DENND2A: variants seen among roughly 807,000 people sequenced by gnomAD.
The protein encoded by DENND2A is DENN domain containing 2A, also known as DENN domain-containing protein 2A.
Under a neutral mutation model 105.3 loss-of-function variants are expected in DENND2A, and 53 were observed. The observed-to-expected ratio is 0.50, with a 90% CI of 0.40 to 0.63. DENND2A has a LOEUF of 0.63. DENND2A is among the 30% of genes least tolerant of loss of function. The probability of loss-of-function intolerance (pLI) is 0.00; values close to 1 mark genes in which losing one functional copy is unlikely to be tolerated. For synonymous variants in DENND2A, 522 were observed against 508.4 expected (o/e 1.03, Z -0.36); for missense variants, 1,138 against 1,279.6 (o/e 0.89, Z 1.69).
At position 140,521,966 on chromosome 7, in the gene DENND2A, G is replaced by C. The variant is rs1185495323; in HGVS notation, c.2800C>G (p.Arg934Gly). Residue 934 changes from arginine (R) to glycine (G), a missense_variant, in exon 18 of 20, where the codon CGC becomes GGC. This residue lies in a region of DENND2A where 627 missense variants were observed against 779.8 expected (regional missense o/e 0.80). Transcript: ENST00000496613. The part of the protein sequence containing the change: ...EERTLQREAF[R>G]KAVSSKSLRH... ...AGGCTCTTGGAGGAGACAGCTTTGC[G>C]GAAGGCCTCCCGCTGCAGGGTTCTC... 6.2e-7 allele frequency: 1 copy of C among 1,614,140 alleles called. No homozygotes were observed. The highest frequency in any genetic ancestry group is 8.5e-7 in the Non-Finnish European group (1 of 1,180,044).
rs1165135947 is a variant in DENND2A, at chr7:140,597,044, TGAA to T, written c.995+4356_995+4358del. ...TTAATTTCCTGGGGCTTTAAAGAAA[TGAA>T]GAAAGAAAAGAGAAGACAGCAAATA... is the stretch of plus-strand genomic sequence containing the variant. On this transcript the variant is annotated intron_variant, in intron 3 of 19. Transcript: ENST00000496613. Among the ~76,000 whole-genome samples, 7 of 132,024 alleles carry T rather than the reference TGAA, an allele frequency of 5.3e-5. 1 individual carries two copies. Among genetic ancestry groups the T allele is most frequent in the Admixed American group, 1.6e-4 (2 of 12,818 alleles). The allele number at this position is 132,024 out of a possible 152,430, so 86.6% of individuals were successfully genotyped here.
chr7:140,633,657 C>T (rs941505660), intron 1 of DENND2A, among the ~76,000 whole-genome samples: 6 of 152,230 alleles, frequency 3.9e-5, no homozygotes, highest in African/African-American at 1.4e-4. Context: ...TTGTGTCACT[C>T]GGTCCACCCA....
At chr7:140,544,820 C>A in intron 13 of DENND2A, 54 bp from the exon 14 acceptor site, 2 of 1,549,308 alleles carry the variant, frequency 1.3e-6, no homozygotes, top group Admixed American at 3.9e-5. Context: ...GCAGCCAGGC[C>A]TCTCACGGGT....
intron 6 of DENND2A, among the ~76,000 whole-genome samples, chr7:140,571,900 C>G (rs1258611179): frequency 5.9e-5 from 9 of 152,168 alleles, no homozygotes; most frequent in Non-Finnish European, 1.2e-4. Context: ...TTCATAACCT[C>G]TCCTAGTGCT....
chr7:140,558,142 C>A lies in DENND2A; in HGVS notation c.1959+1G>T, dbSNP rs1190993703. 6.2e-7 allele frequency: 1 copy of A among 1,613,070 alleles called. No homozygotes were observed. Among genetic ancestry groups the A allele is most frequent in the Non-Finnish European group, 8.5e-7 (1 of 1,179,134 alleles). On this transcript the variant is annotated splice_donor_variant, in intron 11 of 19. Coordinates refer to ENST00000496613, the MANE Select transcript of DENND2A (RefSeq NM_015689.5). LOFTEE classifies it high-confidence loss of function. ...GCAGGCTGAAAGCAGAATGTACTCACCAGCAGTCTTCGGCAGTAACCGAAC... is the reference window on the plus strand; with the variant it reads ...GCAGGCTGAAAGCAGAATGTACTCAACAGCAGTCTTCGGCAGTAACCGAAC...
At position 140,523,323 on chromosome 7, in the gene DENND2A, G is replaced by C. The variant is rs1164268158; in HGVS notation, c.2649C>G (p.Pro883=). 10 of 1,614,146 alleles carry C rather than the reference G, an allele frequency of 6.2e-6. No homozygotes were observed. The highest frequency in any genetic ancestry group is 7.6e-6 in the Non-Finnish European group (9 of 1,180,028). ...AACACTTACCGTGCCTGCCGTCTAG[G>C]GGCCCTTCGTCCTGCTCACAAGCCA... ...NELACEQDEG[P]LDGRHGPESS... is the part of the protein sequence containing the mutation. The change falls in exon 17 of 20, where the codon CCC becomes CCG. Residue 883 remains proline, a synonymous_variant. Coordinates refer to ENST00000496613, the MANE Select transcript of DENND2A (RefSeq NM_015689.5). This position sits in a 1 kb window ranked among gnomAD's most constrained non-coding sequence, Gnocchi z 4.5.
chr7:140,634,578 T>A (rs1435366762), intron 1 of DENND2A, among the ~76,000 whole-genome samples: 2 of 152,034 alleles, frequency 1.3e-5, no homozygotes, highest in East Asian at 3.9e-4. Flanking sequence ...AATTAGAAAT[T>A]TAAAATTTTT....
intron 5 of DENND2A, among the ~76,000 whole-genome samples, chr7:140,577,561 C>G (rs1341996355): frequency 6.6e-6 from 1 of 152,058 alleles, no homozygotes; most frequent in Non-Finnish European, 1.5e-5. Context: ...CCACGCCTGG[C>G]TAATTTTTGT....
At chr7:140,619,457 GTGA>G (rs1342950464) in intron 1 of DENND2A, among the ~76,000 whole-genome samples, 2 of 151,964 alleles carry the variant, frequency 1.3e-5, no homozygotes, top group African/African-American at 4.8e-5. Flanking sequence ...ATTGATGGTG[GTGA>G]TGGGTTGCAC....
intron 2 of DENND2A, among the ~76,000 whole-genome samples, chr7:140,602,777 A>G (rs1799562831): frequency 6.6e-6 from 1 of 151,658 alleles, no homozygotes; most frequent in Non-Finnish European, 1.5e-5. Flanking sequence ...GTTCAAAACC[A>G]GCCTGGGCAA....
In DENND2A at chr7:140,518,737, G is replaced by A; in HGVS notation, c.3000C>T (p.Gly1000=). Reference sequence around the variant, plus strand: ...TCTTGTGGAGAAATTTCATTTTATTGCCTAAAAAAAAGGAAAATGAGAACA... The same window carrying A: ...TCTTGTGGAGAAATTTCATTTTATTACCTAAAAAAAAGGAAAATGAGAACA... The part of the protein sequence containing the change: ...SGVNKFLKGL[G]NKMKFLHKK Residue 1000 remains glycine (G), a splice_region_variant and synonymous_variant, in exon 20 of 20, where the codon GGC becomes GGT. Coordinates refer to ENST00000496613, the MANE Select transcript of DENND2A (RefSeq NM_015689.5). 6.2e-7 allele frequency: 1 copy of A among 1,613,386 alleles called. No individual in the cohort carries two copies. The highest frequency in any genetic ancestry group is 8.5e-7 in the Non-Finnish European group (1 of 1,179,378).
intron 11 of DENND2A, among the ~76,000 whole-genome samples, chr7:140,557,830 G>A (rs182479116): frequency 2.0e-5 from 3 of 151,808 alleles, no homozygotes; most frequent in East Asian, 2.0e-4. Context: ...GAGCCACCGC[G>A]CCCGGCCGTA....
At chr7:140,633,135 TCTC>T (rs1416858929) in intron 1 of DENND2A, among the ~76,000 whole-genome samples, 1 of 151,842 alleles carries the variant, frequency 6.6e-6, no homozygotes, top group African/African-American at 2.4e-5. Flanking sequence ...TTCACACCAT[TCTC>T]CTGTCTCAGC....
At chr7:140,617,012 C>G (rs2130713303) in intron 1 of DENND2A, among the ~76,000 whole-genome samples, 1 of 152,302 alleles carries the variant, frequency 6.6e-6, no homozygotes, top group East Asian at 1.9e-4. Flanking sequence ...CGTGTGCCAC[C>G]ACGCCCAGCT....
chr7:140,640,542 T>C lies in DENND2A; in HGVS notation c.-286A>G, dbSNP rs1801163543. 3 of 148,364 alleles carry C rather than the reference T, an allele frequency of 2.0e-5. No homozygotes were observed. The highest frequency in any genetic ancestry group is 2.0e-4 in the Admixed American group (3 of 14,928). The allele number at this position is 148,364 out of a possible 1,614,324, so 9.2% of individuals were successfully genotyped here. On this transcript the variant is annotated 5_prime_UTR_variant, in exon 1 of 20. It removes an upstream start codon present in the reference 5' UTR. Transcript: ENST00000496613. The surrounding 1 kb of genome is among the most constrained non-coding windows in gnomAD (Gnocchi z 4.9). Reference sequence around the variant, plus strand: ...GCGGCTCCGCGGGCTCTGGGGCGCATCTTGGGGGCTCCGGGGCGGGCCGGG... The same window carrying C: ...GCGGCTCCGCGGGCTCTGGGGCGCACCTTGGGGGCTCCGGGGCGGGCCGGG...
In DENND2A at chr7:140,521,707, C is replaced by T; in HGVS notation, c.2911+148G>A. On this transcript the variant is annotated intron_variant, in intron 18 of 19. Transcript: ENST00000496613. The stretch of plus-strand genomic sequence containing the variant: ...AGGAGAGGGGGCCTTCCTACCAGCT[C>T]AGTCAGGGCATAACTGCAAGCTCTC... 3.0e-6 allele frequency: 4 copies of T among 1,320,230 alleles called. No individual in the cohort carries two copies. The South Asian group carries it at 5.8e-5, about 19-fold the overall frequency. 81.8% of individuals were successfully genotyped at this position (1,320,230 alleles called of 1,614,324 possible).
intron 1 of DENND2A, among the ~76,000 whole-genome samples, chr7:140,617,874 A>G (rs540500159): frequency 6.6e-6 from 1 of 152,280 alleles, no homozygotes; most frequent in Admixed American, 6.5e-5. Flanking sequence ...AAAGATGCAT[A>G]TCATTCTCAC....
At chr7:140,522,545 CT>C (rs1795900320) in intron 17 of DENND2A, among the ~76,000 whole-genome samples, 1 of 151,944 alleles carries the variant, frequency 6.6e-6, no homozygotes, top group South Asian at 2.1e-4. Context: ...AACTTCTGAA[CT>C]CAAGTGATCT....
rs373798035 is a variant in DENND2A at position 140,574,061 on chromosome 7, G to A, written c.1246-53C>T. The stretch of plus-strand genomic sequence containing the variant: ...TAAATGAATTCAAAGGAGACTGACC[G>A]GGGGATAACTGGTGGTGCCAGGGAC... On this transcript the variant is annotated intron_variant, in intron 5 of 19. Coordinates refer to ENST00000496613, the MANE Select transcript of DENND2A (RefSeq NM_015689.5). The A allele has an allele frequency of 1.3e-3, 2,070 of 1,591,092 alleles. 45 individuals carry two copies. In the South Asian group the frequency reaches 0.021, roughly 16 times the overall value.
Sources: gnomAD v4.1 joint callset for allele counts (sites outside exome capture counted in the v4.1 genomes callset) on GRCh38, gnomAD v4.1.1 for gene constraint, gnomAD v4.1.1 regional missense constraint, Gnocchi (gnomAD v3.1) non-coding constraint, MANE v1.5 for transcripts, NCBI Gene and HGNC (gene_info 2026-07-23, HGNC 2026-07-21) for gene names.